Variants in MICAL2 observed in about 807,000 individuals in gnomAD.
MICAL2 encodes microtubule associated monooxygenase, calponin and LIM domain containing 2, also known as [F-actin]-monooxygenase MICAL2.
In MICAL2, 77 loss-of-function variants were observed where a neutral mutation model predicts 127.3. The observed-to-expected ratio is 0.60, with a 90% confidence interval of 0.50 to 0.73. The LOEUF (loss-of-function observed/expected upper bound fraction) is 0.73. Among genes scored for constraint, MICAL2 ranks in the 30% least tolerant of loss-of-function variants. The pLI is 0.00. For synonymous variants in MICAL2, 570 were observed against 551.1 expected (o/e 1.03, Z -0.48); for missense variants, 1,351 against 1,434.4 (o/e 0.94, Z 0.94).
Position 12,204,489 on chromosome 11 carries a change from G to A in MICAL2, c.472+32G>A, listed in dbSNP as rs759746453. On this transcript the variant is annotated intron_variant, in intron 4 of 27. Coordinates refer to ENST00000683283, the MANE Select transcript of MICAL2 (RefSeq NM_001282663.2). ...GGAGTCTATGGTGATATCCCATGAA[G>A]GGAGGGGACTGACCCTGGGTGGGAC... The A allele has an allele frequency of 3.1e-6, 5 of 1,605,438 alleles. No individual in the cohort carries two copies. The South Asian group carries it at 5.5e-5, about 18-fold the overall frequency.
At chr11:12,160,076 CA>C (rs148190073) in intron 2 of MICAL2, among the ~76,000 whole-genome samples, 2,684 of 152,230 alleles carry the variant, frequency 0.018, 81 homozygotes, top group Admixed American at 0.063. Context: ...AGTCTCCCTT[CA>C]AGCCAAGCAT....
intron 32 of MICAL2, among the ~76,000 whole-genome samples, chr11:12,339,889 G>C (rs903668075): frequency 5.3e-5 from 8 of 152,170 alleles, no homozygotes; most frequent in Non-Finnish European, 1.0e-4. Flanking sequence ...GCTACTCGGG[G>C]GTCAGGGACC....
Position 12,162,170 on chromosome 11 carries a change from G to A in MICAL2, c.15G>A (p.Glu5=). 6.2e-7 allele frequency: 1 copy of A among 1,614,190 alleles called. No homozygotes were observed. Among genetic ancestry groups the A allele is most frequent in the Admixed American group, 1.7e-5 (1 of 60,026 alleles). Residue 5 remains glutamate (E), a synonymous_variant, in exon 3 of 28, where the codon GAG becomes GAA. Transcript: ENST00000683283. Reference sequence around the variant, plus strand: ...ACTCCTGAACCATGGGGGAAAACGAGGATGAGAAGCAGGCCCAGGCGGGGC... The same window carrying A: ...ACTCCTGAACCATGGGGGAAAACGAAGATGAGAAGCAGGCCCAGGCGGGGC... MGEN[E]DEKQAQAGQV...
chr11:12,265,062 C>T (rs548728401), downstream of MICAL2, among the ~76,000 whole-genome samples: 27 of 152,326 alleles, frequency 1.8e-4, no homozygotes, highest in African/African-American at 5.3e-4. Context: ...ACTTTATTGT[C>T]AAAGCGTGAC....
At chr11:12,171,818 T>A (rs1856292110) in intron 3 of MICAL2, among the ~76,000 whole-genome samples, 1 of 152,232 alleles carries the variant, frequency 6.6e-6, no homozygotes, top group African/African-American at 2.4e-5. Context: ...TATATAATGT[T>A]AAACTTTCTA....
intron 2 of MICAL2, among the ~76,000 whole-genome samples, chr11:12,154,487 A>G (rs1853948679): frequency 6.6e-6 from 1 of 152,236 alleles, no homozygotes; most frequent in Non-Finnish European, 1.5e-5. Flanking sequence ...GGAAATACAG[A>G]AAAGTATAGA....
chr11:12,233,912 TAACC>T (rs1424036022), intron 15 of MICAL2, among the ~76,000 whole-genome samples: 1 of 152,238 alleles, frequency 6.6e-6, no homozygotes, highest in Admixed American at 6.5e-5. Context: ...TGAGTGTTCT[TAACC>T]TTTTTGTCTT....
At position 12,158,502 on chromosome 11, in the gene MICAL2, G is replaced by GA. The variant is rs5789716; in HGVS notation, c.-77-3565dup. The stretch of plus-strand genomic sequence containing the variant: ...CCAACTGTGGATTGAAAATATTCAG[G>GA]AAAAAAAAAAAACAGATAATTTCAT... On this transcript the variant is annotated intron_variant, in intron 2 of 27. Coordinates refer to ENST00000683283, the MANE Select transcript of MICAL2 (RefSeq NM_001282663.2). Among the ~76,000 whole-genome samples the GA allele has an allele frequency of 1.9e-3, 278 of 148,548 alleles. 1 individual carries two copies. Among genetic ancestry groups the GA allele is most frequent in the African/African-American group, 4.4e-3 (178 of 40,474 alleles).
intron 1 of MICAL2, among the ~76,000 whole-genome samples, chr11:12,278,954 G>A (rs1420697976): frequency 6.6e-6 from 1 of 152,194 alleles, no homozygotes. Flanking sequence ...TGTTCTGGGA[G>A]GCAGGGCTGG....
chr11:12,212,950 G>T (rs1171490597), intron 6 of MICAL2, among the ~76,000 whole-genome samples: 1 of 152,174 alleles, frequency 6.6e-6, no homozygotes, highest in Non-Finnish European at 1.5e-5. Context: ...AGTGTATCTA[G>T]CAACAATGCC....
chr11:12,258,149 C>T (rs925554410), intron 24 of MICAL2, among the ~76,000 whole-genome samples: 1 of 152,164 alleles, frequency 6.6e-6, no homozygotes, highest in Non-Finnish European at 1.5e-5. Context: ...GGAGAAGGGG[C>T]TCAGAGCTCC....
intron 3 of MICAL2, among the ~76,000 whole-genome samples, chr11:12,163,196 CT>C (rs1185337676): frequency 6.6e-6 from 1 of 152,202 alleles, no homozygotes; most frequent in Non-Finnish European, 1.5e-5. Context: ...CTATCGCAAC[CT>C]TTCTCTGACA....
chr11:12,319,144 A>AT (rs57177025), intron 29 of MICAL2, among the ~76,000 whole-genome samples: 167 of 150,818 alleles, frequency 1.1e-3, no homozygotes, highest in African/African-American at 3.5e-3. Flanking sequence ...TACATTTGGG[A>AT]TTTTTTTTTT....
intron 21 of MICAL2, among the ~76,000 whole-genome samples, chr11:12,245,085 T>A (rs531690945): frequency 6.6e-6 from 1 of 152,226 alleles, no homozygotes; most frequent in African/African-American, 2.4e-5. Flanking sequence ...CCTCCTGTGC[T>A]GAGAATAATA....
At chr11:12,270,732 G>T (rs1230028097) in intron 24 of MICAL2, among the ~76,000 whole-genome samples, 1 of 152,198 alleles carries the variant, frequency 6.6e-6, no homozygotes, top group East Asian at 1.9e-4. Context: ...GTGGACAGTG[G>T]CCAGAGATGG....
At chr11:12,172,420 T>C (rs927168398) in intron 3 of MICAL2, among the ~76,000 whole-genome samples, 2 of 152,160 alleles carry the variant, frequency 1.3e-5, no homozygotes, top group Non-Finnish European at 1.5e-5. Context: ...GGGAAGACGA[T>C]GATTGAGCTG....
At chr11:12,130,323 T>C (rs1205209093) in intron 1 of MICAL2, among the ~76,000 whole-genome samples, 1 of 152,076 alleles carries the variant, frequency 6.6e-6, no homozygotes, top group Non-Finnish European at 1.5e-5. Context: ...GAGCAGGTGC[T>C]GAGGTGTAGA....
At chr11:12,355,558 T>G (rs1240103610) in intron 34 of MICAL2, among the ~76,000 whole-genome samples, 3 of 152,176 alleles carry the variant, frequency 2.0e-5, no homozygotes, top group African/African-American at 7.2e-5. Context: ...AAAGAACAAC[T>G]TAAAGAATGT....
intron 3 of MICAL2, among the ~76,000 whole-genome samples, chr11:12,174,278 A>G (rs1195681206): frequency 6.6e-6 from 1 of 152,150 alleles, no homozygotes; most frequent in East Asian, 1.9e-4. Flanking sequence ...ACCCATTACT[A>G]TCATTCATCT....
Sources: gnomAD v4.1 joint callset for allele counts (sites outside exome capture counted in the v4.1 genomes callset) on GRCh38, gnomAD v4.1.1 for gene constraint, MANE v1.5 for transcripts, NCBI Gene and HGNC (gene_info 2026-07-23, HGNC 2026-07-21) for gene names.